ZMYND19: variants seen among roughly 807,000 people sequenced by gnomAD.
ZMYND19 encodes the protein zinc finger MYND-type containing 19, also known as zinc finger MYND domain-containing protein 19.
In ZMYND19, 17 loss-of-function variants were observed where a neutral mutation model predicts 32.0. The ratio of observed to expected loss-of-function variants is 0.53; its 90% CI spans 0.36 to 0.80. The LOEUF (loss-of-function observed/expected upper bound fraction) is 0.80, where lower values mean the gene tolerates loss of function less well. Ranked by LOEUF, ZMYND19 falls within the 30% of genes least tolerant of loss-of-function variation. ZMYND19 has a pLI of 0.00. For missense variants in ZMYND19, 250 were observed against 293.6 expected, an observed-to-expected ratio of 0.85 and a Z score of 1.09; for synonymous variants, 124 against 113.6, an observed-to-expected ratio of 1.09 and a Z score of -0.58.
intron 1 of ZMYND19, chr9:137,589,330 A>C: frequency 3.0e-6 from 3 of 985,380 alleles, no homozygotes; most frequent in Non-Finnish European, 3.6e-6. Flanking sequence ...CAGGGGCAGG[A>C]AACAGGAACA....
chr9:137,584,151 C>T (rs915474800), intron 4 of ZMYND19, among the ~76,000 whole-genome samples: 4 of 152,286 alleles, frequency 2.6e-5, no homozygotes, highest in African/African-American at 9.6e-5. Flanking sequence ...CTGACTTCTG[C>T]TCGGGGCCTG....
chr9:137,589,574 T>TC lies in ZMYND19; in HGVS notation c.51+638dup, dbSNP rs1842246095. ...CACAGGTGCCATGGAATCCCCAGCC[T>TC]CAAACGTGGAGCGTGGGGGCCAAGT... On this transcript the variant is annotated intron_variant, in intron 1 of 5. Transcript: ENST00000298585. 4.1e-6 allele frequency: 4 copies of TC among 985,372 alleles called. 1 individual carries two copies. The South Asian group carries it at 1.4e-4, about 35-fold the overall frequency. 61.0% of individuals were successfully genotyped at this position (985,372 alleles called of 1,614,324 possible).
At position 137,587,081 on chromosome 9, in the gene ZMYND19, G is replaced by A. The variant is rs146362387; in HGVS notation, c.245C>T (p.Pro82Leu). ...GTTGAGGTGCACCACCTGGAAGCCC[G>A]GGGCCACGCCCCCCCGGTGCCGCTC... ...LWERHRGGVA[P>L]GFQVVHLNAV... is the part of the protein sequence containing the mutation. The change falls in exon 4 of 6, where the codon CCG (proline) becomes CTG (leucine). Residue 82 changes from proline to leucine, a missense_variant. Around this residue, in one of 2 missense-constraint regions of ZMYND19, gnomAD observed 212 missense variants for 218.8 expected, o/e 0.97. Transcript: ENST00000298585. 19 of 1,607,974 alleles carry A rather than the reference G, an allele frequency of 1.2e-5. No homozygotes were observed. The highest frequency in any genetic ancestry group is 2.2e-5 in the East Asian group (1 of 44,886).
At chr9:137,583,541 C>G (rs553163031) in intron 4 of ZMYND19, among the ~76,000 whole-genome samples, 1 of 152,274 alleles carries the variant, frequency 6.6e-6, no homozygotes, top group Admixed American at 6.5e-5. Context: ...ATACCGGGAG[C>G]TGCCCTACGT....
chr9:137,589,094 C>A (rs1338843126), intron 1 of ZMYND19: 1 of 216,590 alleles, frequency 4.6e-6, no homozygotes, highest in East Asian at 1.1e-4. Flanking sequence ...GGCAGAAGAG[C>A]CAGAAGGTTT....
chr9:137,588,788 A>G (rs1165710442), intron 1 of ZMYND19, 70 bp from the exon 2 acceptor site: 1 of 1,572,184 alleles, frequency 6.4e-7, no homozygotes, highest in Non-Finnish European at 8.8e-7. Flanking sequence ...CCTTATAACC[A>G]GAACAGGCAG....
In ZMYND19 at chr9:137,590,189, G is replaced by C. The variant is rs140320057; in HGVS notation, c.51+24C>G. The C allele has an allele frequency of 0.14, 151,517 of 1,064,576 alleles. 11,817 individuals are homozygous for C. The highest frequency in any genetic ancestry group is 0.32 in the Admixed American group (5,977 of 18,504). 65.9% of individuals were successfully genotyped at this position (1,064,576 alleles called of 1,614,324 possible). ...AGGCCTGGACGGGCGAGACGGGCCG[G>C]GTCGCGGGCTCCGCGCCGCTCACCT... On this transcript the variant is annotated intron_variant, in intron 1 of 5. Transcript: ENST00000298585. The surrounding 1 kb of genome is among the most constrained non-coding windows in gnomAD (Gnocchi z 4.2).
At chr9:137,584,822 C>A (rs1003238969) in intron 4 of ZMYND19, among the ~76,000 whole-genome samples, 1 of 152,190 alleles carries the variant, frequency 6.6e-6, no homozygotes, top group African/African-American at 2.4e-5. Flanking sequence ...AGGTAGTGCC[C>A]ATGCCGCCTC....
intron 2 of ZMYND19, among the ~76,000 whole-genome samples, chr9:137,588,332 A>G (rs972536680): frequency 1.4e-4 from 22 of 152,378 alleles, no homozygotes; most frequent in African/African-American, 5.3e-4. Context: ...AGGGTCTTCG[A>G]GCTAACAGAC....
At position 137,587,770 on chromosome 9, in the gene ZMYND19, G is replaced by A. The variant is rs1026319050; in HGVS notation, c.165C>T (p.Ala55=). 6.2e-7 allele frequency: 1 copy of A among 1,614,068 alleles called. No homozygotes were observed. Among genetic ancestry groups the A allele is most frequent in the African/African-American group, 1.3e-5 (1 of 74,932 alleles). ...AGCCCCTTCCTCGGTTCTTGTCAAA[G>A]GCATAGGCAAATATCTTAGCACCAT... ...DGNGAKIFAY[A]FDKNRGRGSG... Residue 55 remains alanine (A), a synonymous_variant, in exon 3 of 6, where the codon GCC becomes GCT. Transcript: ENST00000298585.
In ZMYND19 at chr9:137,582,305, A is replaced by G. The variant is rs1842155273; in HGVS notation, c.*238T>C. On this transcript the variant is annotated 3_prime_UTR_variant, in exon 6 of 6. Transcript: ENST00000298585. ...AAACTGTACATGAGTTTACAAACAT[A>G]TTAACATATAAATAATGAGAACCGT... 1 of 490,218 alleles carries G rather than the reference A, an allele frequency of 2.0e-6. No individual in the cohort carries two copies. Among genetic ancestry groups the G allele is most frequent in the Non-Finnish European group, 3.6e-6 (1 of 279,840 alleles). 30.4% of individuals were successfully genotyped at this position (490,218 alleles called of 1,614,324 possible). A position where few individuals can be genotyped will look rare whatever the true frequency, so the allele number is the denominator to read the frequency against.
chr9:137,584,759 G>A lies in ZMYND19; in HGVS notation c.360-1596C>T, dbSNP rs1018600436. Among the ~76,000 whole-genome samples, 6 of 152,264 alleles carry A rather than the reference G, an allele frequency of 3.9e-5. 1 individual carries two copies. The South Asian group carries it at 8.3e-4, about 21-fold the overall frequency. ...AGCAAGCTAACTACAGTTCATCCCAGGGCTTCCCCAGACACCACTAGAACA... is the reference window on the plus strand; with the variant it reads ...AGCAAGCTAACTACAGTTCATCCCAAGGCTTCCCCAGACACCACTAGAACA... On this transcript the variant is annotated intron_variant, in intron 4 of 5. Coordinates refer to ENST00000298585, the MANE Select transcript of ZMYND19 (RefSeq NM_138462.3).
chr9:137,585,131 G>C (rs971566961), intron 4 of ZMYND19, among the ~76,000 whole-genome samples: 3 of 152,058 alleles, frequency 2.0e-5, no homozygotes, highest in African/African-American at 7.2e-5. Context: ...TACTCAAGAG[G>C]CTGAAGCGGG....
chr9:137,588,526 C>T (rs931053673), intron 2 of ZMYND19, 133 bp downstream of exon 2: 88 of 990,280 alleles, frequency 8.9e-5, no homozygotes, highest in Middle Eastern at 3.1e-4. Flanking sequence ...CGGCTCAGGG[C>T]TCACAGGCCA....
At chr9:137,589,296 C>T (rs545185060) in intron 1 of ZMYND19, 1 of 981,030 alleles carries the variant, frequency 1.0e-6, no homozygotes, top group Non-Finnish European at 1.2e-6. Context: ...TCCTCCCCAG[C>T]AGGCCCTGCC....
Position 137,583,155 on chromosome 9 carries a change from C to G in ZMYND19, c.368G>C (p.Ser123Thr), listed in dbSNP as rs542421202. The G allele has an allele frequency of 6.2e-7, 1 of 1,613,852 alleles. No individual in the cohort carries two copies. The highest frequency in any genetic ancestry group is 1.1e-5 in the South Asian group (1 of 91,070). ...EETSSKQREQ[S>T]LYWLAIQQLP... ...CTGCTGAATTGCAAGCCAATACAAG[C>G]TTTGCTCCCTTAAAGAAAGAAGCAG... The change falls in exon 5 of 6, where the codon AGC (serine) becomes ACC (threonine). Residue 123 changes from serine to threonine, a missense_variant. Ser to Thr is a moderately conservative substitution (Grantham distance 58). Coordinates refer to ENST00000298585, the MANE Select transcript of ZMYND19 (RefSeq NM_138462.3).
rs538839729 is a variant in ZMYND19, at chr9:137,584,475, T to A, written c.360-1312A>T. 4.6e-5 allele frequency among the ~76,000 whole-genome samples: 7 copies of A among 152,292 alleles called. No homozygotes were observed. In the East Asian group the frequency reaches 1.4e-3, roughly 29 times the overall value. The stretch of plus-strand genomic sequence containing the variant: ...GTGCTGAGAGGATTCAAGGTAACAT[T>A]CAGTCACAGGCTGGCCGGACCCTGA... On this transcript the variant is annotated intron_variant, in intron 4 of 5. Coordinates refer to ENST00000298585, the MANE Select transcript of ZMYND19 (RefSeq NM_138462.3).
Position 137,588,665 on chromosome 9 carries a change from G to A in ZMYND19, c.105C>T (p.Ser35=). Reference sequence around the variant, plus strand: ...AACAGCCATCCTTACTTACCTCAAAGGAGTAGCTCTCCACCAGCGGGATGT... The same window carrying A: ...AACAGCCATCCTTACTTACCTCAAAAGAGTAGCTCTCCACCAGCGGGATGT... ...EQDIPLVESY[S]FEARMEVDAD... is the part of the protein sequence containing the mutation. Residue 35 remains serine (S), a synonymous_variant, in exon 2 of 6, where the codon TCC becomes TCT. Coordinates refer to ENST00000298585, the MANE Select transcript of ZMYND19 (RefSeq NM_138462.3). 6.2e-7 allele frequency: 1 copy of A among 1,614,190 alleles called. No homozygotes were observed. Among genetic ancestry groups the A allele is most frequent in the Non-Finnish European group, 8.5e-7 (1 of 1,180,008 alleles).
chr9:137,588,566 G>A, intron 2 of ZMYND19, 93 bp downstream of exon 2: 2 of 1,438,562 alleles, frequency 1.4e-6, no homozygotes, highest in Non-Finnish European at 1.9e-6. Context: ...GGGGCCGCCT[G>A]CTCTTGCAGC....
Sources: gnomAD v4.1 joint callset for allele counts (sites outside exome capture counted in the v4.1 genomes callset) on GRCh38, gnomAD v4.1.1 for gene constraint, gnomAD v4.1.1 regional missense constraint, Gnocchi (gnomAD v3.1) non-coding constraint, MANE v1.5 for transcripts, NCBI Gene and HGNC (gene_info 2026-07-23, HGNC 2026-07-21) for gene names.